The following SYT1 variants were observed in gnomAD, a reference collection of about 807,000 sequenced individuals.
The protein encoded by SYT1 is synaptotagmin-1.
SYT1 carries 8 observed loss-of-function variants against 44.8 expected under a neutral mutation model. The ratio of observed to expected loss-of-function variants is 0.18; its 90% CI spans 0.10 to 0.32. The LOEUF (loss-of-function observed/expected upper bound fraction) is 0.32. SYT1 is among the 10% of genes least tolerant of loss of function. The probability of loss-of-function intolerance (pLI) is 1.00; values close to 1 mark genes in which losing one functional copy is unlikely to be tolerated. For synonymous variants in SYT1, 154 were observed against 188.8 expected (o/e 0.82, Z 1.51); for missense variants, 286 against 509.3 (o/e 0.56, Z 4.22).
chr12:79,419,992 A>G (rs928823826), intron 9 of SYT1, among the ~76,000 whole-genome samples: 9 of 152,150 alleles, frequency 5.9e-5, no homozygotes, highest in African/African-American at 1.9e-4. Flanking sequence ...CTTGGGATGT[A>G]TCTGTGTTGA....
intron 6 of SYT1, 114 bp from the exon 7 acceptor site, chr12:79,295,955 T>G: frequency 8.3e-7 from 1 of 1,201,420 alleles, no homozygotes; most frequent in East Asian, 2.6e-5. Context: ...CAGAGTTTTA[T>G]TAAAAATAAA....
intron 2 of SYT1, among the ~76,000 whole-genome samples, chr12:78,988,997 A>C (rs1195456331): frequency 1.3e-5 from 2 of 152,108 alleles, no homozygotes; most frequent in Non-Finnish European, 2.9e-5. Flanking sequence ...ATATGTTTTT[A>C]AAGTAGAACC....
chr12:79,161,452 A>G (rs907010028), intron 3 of SYT1, among the ~76,000 whole-genome samples: 1 of 152,124 alleles, frequency 6.6e-6, no homozygotes, highest in Non-Finnish European at 1.5e-5. Flanking sequence ...AGTACACTCT[A>G]TAATGTTTGC....
chr12:79,367,291 C>T (rs1253951413), intron 9 of SYT1, among the ~76,000 whole-genome samples: 1 of 152,114 alleles, frequency 6.6e-6, no homozygotes, highest in African/African-American at 2.4e-5. Context: ...TGGACAAACT[C>T]TCCCTCTCTC....
chr12:78,978,413 T>C (rs1440304763), intron 2 of SYT1, among the ~76,000 whole-genome samples: 1 of 152,198 alleles, frequency 6.6e-6, no homozygotes, highest in East Asian at 1.9e-4. Context: ...TGTTTCCTTG[T>C]ACCATGCTGT....
At chr12:79,121,005 G>A (rs1472706218) in intron 3 of SYT1, among the ~76,000 whole-genome samples, 1 of 150,168 alleles carries the variant, frequency 6.7e-6, no homozygotes, top group African/African-American at 2.5e-5. Context: ...ACACATATTC[G>A]TGTACATATA....
intron 8 of SYT1, among the ~76,000 whole-genome samples, chr12:79,335,356 T>C (rs1882040377): frequency 6.6e-6 from 1 of 151,916 alleles, no homozygotes; most frequent in African/African-American, 2.4e-5. Flanking sequence ...ATGCCTTTCC[T>C]TTCCTTGTAT....
intron 3 of SYT1, among the ~76,000 whole-genome samples, chr12:79,195,596 T>C (rs1526973): frequency 0.74 from 112,272 of 151,604 alleles, 42,114 homozygotes; most frequent in African/African-American, 0.85. Context: ...TGGGGACTAT[T>C]TGGCACCCAA....
At chr12:79,330,227 T>C (rs17005468) in intron 8 of SYT1, among the ~76,000 whole-genome samples, 7,701 of 152,264 alleles carry the variant, frequency 0.051, 421 homozygotes, top group African/African-American at 0.13. Context: ...AGCCTGCTGT[T>C]TCCTGTGCAT....
chr12:78,877,307 G>A (rs11615052), intron 1 of SYT1, among the ~76,000 whole-genome samples: 1,888 of 151,438 alleles, frequency 0.012, 33 homozygotes, highest in Admixed American at 0.045. Flanking sequence ...ACAGGATCTC[G>A]TGAGACTTAT....
At chr12:78,897,533 T>A (rs1875427587) in intron 1 of SYT1, among the ~76,000 whole-genome samples, 1 of 152,002 alleles carries the variant, frequency 6.6e-6, no homozygotes, top group South Asian at 2.1e-4. Context: ...GAGACATATG[T>A]GAGACTTTAT....
chr12:79,098,031 C>T (rs1184962388), intron 3 of SYT1, among the ~76,000 whole-genome samples: 1 of 151,990 alleles, frequency 6.6e-6, no homozygotes, highest in Non-Finnish European at 1.5e-5. Flanking sequence ...TTTGTTTTCT[C>T]CTAGTCTCTC....
intron 2 of SYT1, among the ~76,000 whole-genome samples, chr12:79,021,691 C>T (rs1872205582): frequency 6.6e-6 from 1 of 151,716 alleles, no homozygotes; most frequent in Admixed American, 6.6e-5. Context: ...TGTTGATTTG[C>T]ACCAAATCAG....
intron 3 of SYT1, among the ~76,000 whole-genome samples, chr12:79,145,379 C>T (rs1397439828): frequency 1.3e-5 from 2 of 152,132 alleles, no homozygotes; most frequent in Non-Finnish European, 2.9e-5. Context: ...TTTTAAAGAT[C>T]ATAATCTTCA....
intron 3 of SYT1, 67 bp from the exon 4 acceptor site, chr12:79,217,436 A>T: frequency 7.4e-7 from 1 of 1,360,528 alleles, no homozygotes; most frequent in Non-Finnish European, 9.6e-7. Flanking sequence ...CATCTCTGGG[A>T]TACCTTTGAT....
chr12:78,943,281 G>A (rs556030744), intron 1 of SYT1, among the ~76,000 whole-genome samples: 2 of 152,198 alleles, frequency 1.3e-5, no homozygotes, highest in East Asian at 3.9e-4. Context: ...GAATTTAATA[G>A]GTTCATGGGC....
chr12:79,098,826 T>C (rs1245970356), intron 3 of SYT1, among the ~76,000 whole-genome samples: 1 of 152,138 alleles, frequency 6.6e-6, no homozygotes, highest in African/African-American at 2.4e-5. Flanking sequence ...AAGCATAACA[T>C]GATCTGAAAA....
chr12:79,285,694 A>G, intron 4 of SYT1, 93 bp from the exon 5 acceptor site: 1 of 979,558 alleles, frequency 1.0e-6, no homozygotes, highest in Non-Finnish European at 1.5e-6. Context: ...AAAAATGCAA[A>G]TGAAAAAAAT....
chr12:79,285,384 T>C (rs1480497991), intron 4 of SYT1, among the ~76,000 whole-genome samples: 1 of 152,134 alleles, frequency 6.6e-6, no homozygotes, highest in African/African-American at 2.4e-5. Flanking sequence ...ATTTCCACTT[T>C]AGAGATGAGG....
Sources: gnomAD v4.1 joint callset for allele counts (sites outside exome capture counted in the v4.1 genomes callset) on GRCh38, gnomAD v4.1.1 for gene constraint, MANE v1.5 for transcripts, NCBI Gene and HGNC (gene_info 2026-07-23, HGNC 2026-07-21) for gene names.